The following TRPA1 variants were observed in gnomAD, a reference collection of about 807,000 sequenced individuals.
TRPA1 encodes the protein transient receptor potential cation channel subfamily A member 1, also known as ankyrin-like with transmembrane domains 1.
TRPA1 carries 129 observed loss-of-function variants against 131.3 expected under a neutral mutation model. The ratio of observed to expected loss-of-function variants is 0.98; its 90% CI spans 0.85 to 1.14. The LOEUF (loss-of-function observed/expected upper bound fraction) is 1.14, where lower values mean the gene tolerates loss of function less well. TRPA1 is among the 50% of genes most tolerant of loss of function. TRPA1 has a pLI of 0.00. For synonymous variants in TRPA1, 441 were observed against 451.7 expected (o/e 0.98, Z 0.30); for missense variants, 1,304 against 1,354.2 (o/e 0.96, Z 0.58).
intron 13 of TRPA1, 138 bp from the exon 14 acceptor site, chr8:72,052,903 A>C (rs1805548952): frequency 1.1e-6 from 1 of 915,274 alleles, no homozygotes; most frequent in South Asian, 1.4e-5. Context: ...GTTCAGAATC[A>C]AGCTTCAAAA....
In TRPA1 at chr8:72,053,733, A is replaced by G; in HGVS notation, c.1644+20T>C. On this transcript the variant is annotated intron_variant, in intron 13 of 26. Coordinates refer to ENST00000262209, the MANE Select transcript of TRPA1 (RefSeq NM_007332.3). ...TGCTATATTGAGATTTTGGGTAAGC[A>G]TGAGGACCGCAGTACATACCCCGTC... The G allele has an allele frequency of 6.3e-7, 1 of 1,579,332 alleles. No homozygotes were observed. The highest frequency in any genetic ancestry group is 8.7e-7 in the Non-Finnish European group (1 of 1,150,788).
chr8:72,033,683 G>A lies in TRPA1; in HGVS notation c.2829C>T (p.Ser943=). 2 of 1,614,010 alleles carry A rather than the reference G, an allele frequency of 1.2e-6. No homozygotes were observed. Among genetic ancestry groups the A allele is most frequent in the Non-Finnish European group, 1.7e-6 (2 of 1,179,968 alleles). The stretch of plus-strand genomic sequence containing the variant: ...GGACAATTGGGACAAATATTGTGAA[G>A]GAAACAAGTTGTGCAAAGGACAGAA... ...HPVLSFAQLV[S]FTIFVPIVLM... Residue 943 remains serine, a synonymous_variant, in exon 23 of 27, where the codon TCC becomes TCT. Transcript: ENST00000262209.
chr8:72,079,004 T>C (rs1806240080), upstream of TRPA1, among the ~76,000 whole-genome samples: 1 of 152,028 alleles, frequency 6.6e-6, no homozygotes, highest in Non-Finnish European at 1.5e-5. Context: ...TGGCTAATGA[T>C]ATTGTCCATA....
intron 19 of TRPA1, 48 bp from the exon 20 acceptor site, chr8:72,038,120 CTT>C: frequency 2.1e-6 from 2 of 952,386 alleles, no homozygotes; most frequent in Non-Finnish European, 1.6e-6. Flanking sequence ...ATATAAAACA[CTT>C]TAACATTTCC....
At chr8:72,057,146 G>T in intron 9 of TRPA1, 129 bp from the exon 10 acceptor site, 2 of 708,146 alleles carry the variant, frequency 2.8e-6, no homozygotes, top group Non-Finnish European at 4.8e-6. Flanking sequence ...AGGAAATTGT[G>T]TTTAGATGAG....
intron 15 of TRPA1, among the ~76,000 whole-genome samples, chr8:72,048,381 C>T (rs544448497): frequency 3.6e-4 from 55 of 152,050 alleles, no homozygotes; most frequent in Non-Finnish European, 8.8e-5. Context: ...AGACTATATC[C>T]AGAAGGGAAG....
intron 5 of TRPA1, 106 bp downstream of exon 5, chr8:72,063,357 G>A (rs751984393): frequency 1.1e-4 from 83 of 784,672 alleles, no homozygotes; most frequent in Non-Finnish European, 1.6e-4. Flanking sequence ...TCCAGCCTGG[G>A]TGACAGAGTG....
intron 6 of TRPA1, chr8:72,062,435 T>G (rs1233487001): frequency 4.6e-6 from 1 of 215,100 alleles, no homozygotes. Context: ...GTCCTTAATT[T>G]AAAAATGATA....
rs1811405331 is a variant in TRPA1, at chr8:72,021,914, A to T, written c.*992T>A. 1 of 152,218 alleles carries T rather than the reference A, an allele frequency of 6.6e-6. No homozygotes were observed. The highest frequency in any genetic ancestry group is 2.4e-5 in the African/African-American group (1 of 41,462). The allele number at this position is 152,218 out of a possible 1,614,324, so 9.4% of individuals were successfully genotyped here. A position where few individuals can be genotyped will look rare whatever the true frequency, so the allele number is the denominator to read the frequency against. ...TAGCATAATAACATCTGTGTAAATA[A>T]TAACAGACTCAAAACAACACTGTAC... is the stretch of plus-strand genomic sequence containing the variant. On this transcript the variant is annotated 3_prime_UTR_variant, in exon 27 of 27. Coordinates refer to ENST00000262209, the MANE Select transcript of TRPA1 (RefSeq NM_007332.3).
intron 10 of TRPA1, 37 bp downstream of exon 10, chr8:72,056,880 C>G: frequency 7.1e-7 from 1 of 1,408,042 alleles, no homozygotes; most frequent in Non-Finnish European, 1.0e-6. Flanking sequence ...TCTGTTGAAC[C>G]CAACTCAGTT....
At chr8:72,050,611 C>A (rs1248714595) in intron 15 of TRPA1, among the ~76,000 whole-genome samples, 167 bp downstream of exon 15, 1 of 152,098 alleles carries the variant, frequency 6.6e-6, no homozygotes, top group Non-Finnish European at 1.5e-5. Flanking sequence ...TAATAGGATT[C>A]TTTAATCCAA....
At chr8:72,079,570 TA>T (rs1334198321), upstream of TRPA1, among the ~76,000 whole-genome samples, 1 of 152,048 alleles carries the variant, frequency 6.6e-6, no homozygotes, top group Admixed American at 6.5e-5. Context: ...AATATCTCTA[TA>T]TTTAAGCCAA....
chr8:72,035,202 A>G (rs1223524699), intron 21 of TRPA1, among the ~76,000 whole-genome samples: 1 of 152,210 alleles, frequency 6.6e-6, no homozygotes, highest in Non-Finnish European at 1.5e-5. Flanking sequence ...GGAACTTACA[A>G]GATTCTAAAG....
intron 24 of TRPA1, 151 bp downstream of exon 24, chr8:72,029,750 G>A: frequency 2.5e-6 from 2 of 811,442 alleles, no homozygotes; most frequent in Non-Finnish European, 4.2e-6. Context: ...TGATCAGGAG[G>A]GTAAATGGCA....
chr8:72,030,173 C>G (rs537901313), intron 23 of TRPA1, among the ~76,000 whole-genome samples: 1 of 152,238 alleles, frequency 6.6e-6, no homozygotes, highest in Admixed American at 6.5e-5. Context: ...CTGGTAAGAA[C>G]CCATTCCTCA....
At position 72,057,744 on chromosome 8, in the gene TRPA1, T is replaced by A. The variant is rs910023498; in HGVS notation, c.1066A>T (p.Asn356Tyr). The A allele has an allele frequency of 2.6e-5, 42 of 1,613,742 alleles. No individual in the cohort carries two copies. In the East Asian group the frequency reaches 9.4e-4, roughly 36 times the overall value. The change falls in exon 9 of 27, where the codon AAT (asparagine) becomes TAT (tyrosine). Residue 356 changes from asparagine to tyrosine, a missense_variant. Physicochemically the swap from Asn to Tyr is moderately radical, Grantham distance 143. Transcript: ENST00000262209. ...LILATASASW[N>Y]IVNLLLSKGA... Reference sequence around the variant, plus strand: ...TTAGAGAGTAGCAAATTTACAATATTCCAAGATGCAGAAGCAGTTGCTAAT... The same window carrying A: ...TTAGAGAGTAGCAAATTTACAATATACCAAGATGCAGAAGCAGTTGCTAAT...
intron 2 of TRPA1, 53 bp downstream of exon 2, chr8:72,071,658 T>G (rs1413908741): frequency 1.0e-5 from 16 of 1,585,814 alleles, no homozygotes; most frequent in Middle Eastern, 1.8e-4. Flanking sequence ...TTCTTTCTAG[T>G]TAATTGAATG....
At chr8:72,081,377 C>T in the TRPA1 span, among the ~76,000 whole-genome samples, 2 of 151,614 alleles carry the variant, frequency 1.3e-5, no homozygotes, top group South Asian at 2.1e-4. Context: ...TTTCAATCCA[C>T]GTAAATTCAA....
In TRPA1 at chr8:72,055,776, C is replaced by T. The variant is rs370321649; in HGVS notation, c.1274G>A (p.Gly425Asp). ...AAGTAGGTTATTTACAGAACCAGGG[C>T]CCCCCTGTCTACATGCATAATGTAG... ...TPLHYACRQG[G>D]PGSVNNLLGF... is the part of the protein sequence containing the mutation. The change falls in exon 11 of 27, where the codon GGC becomes GAC. Residue 425 changes from glycine (G) to aspartate (D), a missense_variant. Transcript: ENST00000262209. The T allele has an allele frequency of 1.9e-6, 3 of 1,611,412 alleles. No homozygotes were observed. Among genetic ancestry groups the T allele is most frequent in the Non-Finnish European group, 8.5e-7 (1 of 1,177,908 alleles).
Sources: gnomAD v4.1 joint callset for allele counts (sites outside exome capture counted in the v4.1 genomes callset) on GRCh38, gnomAD v4.1.1 for gene constraint, MANE v1.5 for transcripts, NCBI Gene and HGNC (gene_info 2026-07-23, HGNC 2026-07-21) for gene names.